The following RMND5A variants were observed in gnomAD, a reference collection of about 807,000 sequenced individuals.
The protein encoded by RMND5A is required for meiotic nuclear division 5 homolog A.
RMND5A carries 17 observed loss-of-function variants against 49.7 expected under a neutral mutation model. That is an observed-to-expected ratio of 0.34 (90% CI 0.23 to 0.51). RMND5A has a LOEUF of 0.51. Ranked by LOEUF, RMND5A falls within the 20% of genes least tolerant of loss-of-function variation. RMND5A has a pLI of 0.96. For missense variants in RMND5A, 255 were observed against 471.3 expected (o/e 0.54, Z 4.25); for synonymous variants, 156 against 167.7 (o/e 0.93, Z 0.54).
At chr2:86,759,194 C>T (rs371329158) in intron 4 of RMND5A, among the ~76,000 whole-genome samples, 2 of 152,046 alleles carry the variant, frequency 1.3e-5, no homozygotes, top group African/African-American at 2.4e-5. Flanking sequence ...GAGGGAGAAC[C>T]GCTAACTATG....
chr2:86,762,983 T>C (rs1203122507), intron 4 of RMND5A, among the ~76,000 whole-genome samples: 1 of 151,188 alleles, frequency 6.6e-6, no homozygotes, highest in Non-Finnish European at 1.5e-5. Flanking sequence ...GAGGTTGCAG[T>C]GGTGAGCTGA....
chr2:86,743,097 G>A lies in RMND5A; in HGVS notation c.285+2028G>A, dbSNP rs141542349. Among the ~76,000 whole-genome samples the A allele has an allele frequency of 2.8e-3, 432 of 152,180 alleles. 4 individuals carry two copies. The highest frequency in any genetic ancestry group is 9.7e-3 in the African/African-American group (401 of 41,506). ...TTCTGCTCTTGTCCTGCTTGCTCCT[G>A]GTGCCTGGCTGAGCATCTCTTACTC... On this transcript the variant is annotated intron_variant, in intron 2 of 8. Transcript: ENST00000283632.
chr2:86,751,628 A>T (rs1234722219), intron 2 of RMND5A, among the ~76,000 whole-genome samples: 1 of 152,202 alleles, frequency 6.6e-6, no homozygotes, highest in African/African-American at 2.4e-5. Context: ...ATGCCTAGAA[A>T]TCAGTTCATT....
chr2:86,752,547 C>T (rs1681654374), intron 3 of RMND5A, among the ~76,000 whole-genome samples: 1 of 152,146 alleles, frequency 6.6e-6, no homozygotes, highest in African/African-American at 2.4e-5. Flanking sequence ...TAGTAGCTGC[C>T]ATATATTGAG....
rs1681190497 is a variant in RMND5A, at chr2:86,720,755, G to C, written c.88G>C (p.Glu30Gln). 6.3e-7 allele frequency: 1 copy of C among 1,595,036 alleles called. No individual in the cohort carries two copies. Among genetic ancestry groups the C allele is most frequent in the Non-Finnish European group, 8.5e-7 (1 of 1,171,688 alleles). Residue 30 changes from glutamate (E) to glutamine (Q), a missense_variant, in exon 1 of 9, where the codon GAG becomes CAG. By Grantham distance (29) the Glu-to-Gln change is conservative. Around this residue, in one of 3 missense-constraint regions of RMND5A, gnomAD observed 42 missense variants for 59.9 expected, o/e 0.70. Coordinates refer to ENST00000283632, the MANE Select transcript of RMND5A (RefSeq NM_022780.4). ...CGGGCAGCTGTGCGAGCGCGGCCTG[G>C]AGGAGCTCATCGACTACACCGGCGG... ...GYGQLCERGL[E>Q]ELIDYTGGLK...
intron 2 of RMND5A, among the ~76,000 whole-genome samples, chr2:86,749,395 TC>T (rs1488127013): frequency 1.3e-5 from 2 of 148,692 alleles, no homozygotes; most frequent in Non-Finnish European, 3.0e-5. Context: ...TCTTTTTCTT[TC>T]TTTTTTTTTT....
intron 2 of RMND5A, among the ~76,000 whole-genome samples, chr2:86,743,593 T>C (rs1226917284): frequency 6.6e-6 from 1 of 151,910 alleles, no homozygotes; most frequent in Non-Finnish European, 1.5e-5. Flanking sequence ...GCCTCCTGAG[T>C]AGTGCCCAGC....
chr2:86,752,642 A>G (rs1265321659), intron 3 of RMND5A, among the ~76,000 whole-genome samples: 2 of 152,166 alleles, frequency 1.3e-5, no homozygotes, highest in African/African-American at 4.8e-5. Context: ...ACAGATGAAA[A>G]ATCTAAGGTC....
intron 3 of RMND5A, among the ~76,000 whole-genome samples, 197 bp downstream of exon 3, chr2:86,752,227 C>T (rs1208455691): frequency 1.3e-5 from 2 of 152,244 alleles, no homozygotes; most frequent in Non-Finnish European, 2.9e-5. Context: ...AGTTCTAGAA[C>T]TTGTTATCCA....
chr2:86,748,246 T>C (rs932915573), intron 2 of RMND5A: 1 of 152,200 alleles, frequency 6.6e-6, no homozygotes, highest in African/African-American at 2.4e-5. Context: ...CAAAAGGAGT[T>C]TGACAGTGTA....
At chr2:86,753,591 T>C (rs1427938305) in intron 4 of RMND5A, 33 bp downstream of exon 4, 1 of 1,123,018 alleles carries the variant, frequency 8.9e-7, no homozygotes, top group Non-Finnish European at 1.3e-6. Context: ...TTTGAGTACT[T>C]TGAGAACTCT....
At chr2:86,772,002 G>C (rs1298487209) in intron 8 of RMND5A, among the ~76,000 whole-genome samples, 1 of 152,140 alleles carries the variant, frequency 6.6e-6, no homozygotes, top group Non-Finnish European at 1.5e-5. Flanking sequence ...TCTGTACTTT[G>C]CTGTTTTCAC....
At chr2:86,758,885 T>G (rs990508080) in intron 4 of RMND5A, among the ~76,000 whole-genome samples, 1 of 152,250 alleles carries the variant, frequency 6.6e-6, no homozygotes, top group African/African-American at 2.4e-5. Flanking sequence ...CTGAATTTTT[T>G]TAAGCATTTG....
Position 86,773,592 on chromosome 2 carries a change from C to A in RMND5A, c.*181C>A. The A allele has an allele frequency of 2.2e-6, 1 of 448,310 alleles. No homozygotes were observed. The highest frequency in any genetic ancestry group is 4.1e-6 in the Non-Finnish European group (1 of 246,596). The allele number at this position is 448,310 out of a possible 1,614,324, so 27.8% of individuals were successfully genotyped here. A position where few individuals can be genotyped will look rare whatever the true frequency, so the allele number is the denominator to read the frequency against. On this transcript the variant is annotated 3_prime_UTR_variant, in exon 9 of 9. Coordinates refer to ENST00000283632, the MANE Select transcript of RMND5A (RefSeq NM_022780.4). ...GGGGAGTGCTCCCGGTGAATATTAT[C>A]ATAGGGCTTTATTATATTCTTGGTC...
chr2:86,754,595 G>T lies in RMND5A; in HGVS notation c.521+1037G>T, dbSNP rs369935709. On this transcript the variant is annotated intron_variant, in intron 4 of 8. Transcript: ENST00000283632. ...AGTTCTTTCTCCTTTTTGAGACAGGGTCTCACTGTCACCCAGGCTAGAGTG... is the reference window on the plus strand; with the variant it reads ...AGTTCTTTCTCCTTTTTGAGACAGGTTCTCACTGTCACCCAGGCTAGAGTG... Among the ~76,000 whole-genome samples the T allele has an allele frequency of 1.7e-4, 26 of 151,994 alleles. No homozygotes were observed. The East Asian group carries it at 4.6e-3, about 27-fold the overall frequency.
chr2:86,720,950 C>G (rs1191904567), intron 1 of RMND5A, 141 bp downstream of exon 1: 2 of 671,414 alleles, frequency 3.0e-6, no homozygotes, highest in Non-Finnish European at 4.6e-6. Flanking sequence ...CCCCAGACCC[C>G]TGAGACTTTT....
At chr2:86,721,212 G>A (rs1346380154) in intron 1 of RMND5A, 3 of 192,510 alleles carry the variant, frequency 1.6e-5, no homozygotes, top group South Asian at 8.8e-5. Context: ...TGAATCGCCT[G>A]GGACCCCAGG....
chr2:86,756,095 T>C (rs941445494), intron 4 of RMND5A, among the ~76,000 whole-genome samples: 4 of 152,168 alleles, frequency 2.6e-5, no homozygotes, highest in Non-Finnish European at 5.9e-5. Flanking sequence ...TTTTAACTTA[T>C]TAAGTGTATC....
At chr2:86,762,684 TATATATC>T (rs1672520104) in intron 4 of RMND5A, among the ~76,000 whole-genome samples, 3 of 3,872 alleles carry the variant, frequency 7.7e-4, no homozygotes, top group Non-Finnish European at 0.019. Context: ...ATATATCATA[TATATATC>T]ATATATATCA....
Sources: allele counts gnomAD v4.1 joint callset (sites outside exome capture counted in the v4.1 genomes callset), GRCh38; gene constraint gnomAD v4.1.1; regional missense constraint gnomAD v4.1.1; transcripts MANE v1.5; gene names NCBI Gene and HGNC (gene_info 2026-07-23, HGNC 2026-07-21).